Variants in ANGPT2 observed in about 807,000 individuals in gnomAD.
ANGPT2 encodes the protein angiopoietin 2.
A neutral mutation model predicts 62.9 loss-of-function variants in ANGPT2; 28 were observed. The observed-to-expected ratio is 0.44, with a 90% confidence interval of 0.33 to 0.61. ANGPT2 has a LOEUF of 0.61. Among genes scored for constraint, ANGPT2 ranks in the 20% least tolerant of loss-of-function variants. The pLI is 0.03. For missense variants in ANGPT2, 727 were observed against 594.9 expected, an observed-to-expected ratio of 1.22 and a Z score of -2.31; for synonymous variants, 284 against 207.8, an observed-to-expected ratio of 1.37 and a Z score of -3.15.
At chr8:6,558,862 T>C (rs1297136487) in intron 1 of ANGPT2, among the ~76,000 whole-genome samples, 1 of 152,164 alleles carries the variant, frequency 6.6e-6, no homozygotes, top group African/African-American at 2.4e-5. Context: ...TATTATATTT[T>C]ATATACTGTA....
At chr8:6,505,709 G>GTATATATATTC (rs1342734426) in intron 8 of ANGPT2, among the ~76,000 whole-genome samples, 1 of 80,644 alleles carries the variant, frequency 1.2e-5, no homozygotes, top group Non-Finnish European at 3.2e-5. Context: ...TCTTTATTAC[G>GTATATATATTC]TATATATATT....
intron 6 of ANGPT2, 101 bp downstream of exon 6, chr8:6,514,576 G>T: frequency 2.0e-6 from 2 of 1,020,020 alleles, no homozygotes; most frequent in Non-Finnish European, 3.0e-6. Flanking sequence ...CATGTCAAAA[G>T]TCATTGGTTA....
At chr8:6,533,336 T>C (rs999695441) in intron 1 of ANGPT2, among the ~76,000 whole-genome samples, 9 of 152,232 alleles carry the variant, frequency 5.9e-5, no homozygotes, top group African/African-American at 2.2e-4. Context: ...TGATTATGTA[T>C]AACTGCAAGA....
At chr8:6,507,464 T>G (rs1813977175) in intron 8 of ANGPT2, 1 of 152,220 alleles carries the variant, frequency 6.6e-6, no homozygotes, top group Non-Finnish European at 1.5e-5. Context: ...AAGAACTAAC[T>G]TGACAGCATT....
chr8:6,531,132 C>T (rs1441906804), intron 2 of ANGPT2, among the ~76,000 whole-genome samples: 2 of 151,900 alleles, frequency 1.3e-5, no homozygotes, highest in East Asian at 1.9e-4. Flanking sequence ...GAGCTTGGAG[C>T]GTCTGCATTT....
chr8:6,534,296 G>T (rs1229207495), intron 1 of ANGPT2, among the ~76,000 whole-genome samples: 1 of 152,146 alleles, frequency 6.6e-6, no homozygotes, highest in African/African-American at 2.4e-5. Context: ...ATTGTGTTAG[G>T]TATTCTAAGC....
intron 1 of ANGPT2, among the ~76,000 whole-genome samples, chr8:6,535,975 T>A (rs144614807): frequency 2.5e-3 from 384 of 152,148 alleles, no homozygotes; most frequent in African/African-American, 8.8e-3. Context: ...GAGGACTGCT[T>A]GAGCCCAGGA....
intron 1 of ANGPT2, among the ~76,000 whole-genome samples, chr8:6,539,241 C>T (rs768072048): frequency 6.3e-4 from 96 of 152,218 alleles, no homozygotes; most frequent in Non-Finnish European, 9.7e-4. Context: ...TGCCCTGTGA[C>T]GTGGGAAGCA....
chr8:6,551,402 G>A (rs902185341), intron 1 of ANGPT2, among the ~76,000 whole-genome samples: 6 of 152,168 alleles, frequency 3.9e-5, no homozygotes, highest in African/African-American at 1.4e-4. Flanking sequence ...CAAATTATAT[G>A]TATTAAAAGT....
At chr8:6,523,549 C>G (rs2129569847) in intron 3 of ANGPT2, among the ~76,000 whole-genome samples, 1 of 152,222 alleles carries the variant, frequency 6.6e-6, no homozygotes, top group Non-Finnish European at 1.5e-5. Context: ...GGAACAAACT[C>G]AAAGACATGC....
intron 7 of ANGPT2, among the ~76,000 whole-genome samples, chr8:6,511,052 C>A (rs891235999): frequency 6.6e-6 from 1 of 152,190 alleles, no homozygotes; most frequent in Admixed American, 6.5e-5. Context: ...ACTTCCCTTG[C>A]TTATCTTTTA....
At chr8:6,549,298 A>G (rs1020545375) in intron 1 of ANGPT2, among the ~76,000 whole-genome samples, 9 of 152,272 alleles carry the variant, frequency 5.9e-5, no homozygotes, top group African/African-American at 2.2e-4. Context: ...AAACTTTAAC[A>G]TGCACAACAA....
At chr8:6,534,266 A>G (rs939044348) in intron 1 of ANGPT2, among the ~76,000 whole-genome samples, 2 of 152,214 alleles carry the variant, frequency 1.3e-5, no homozygotes, top group Non-Finnish European at 1.5e-5. Flanking sequence ...CAGTATAGCA[A>G]CTATTTACAT....
At chr8:6,506,871 T>A (rs1813830594) in intron 8 of ANGPT2, among the ~76,000 whole-genome samples, 1 of 152,094 alleles carries the variant, frequency 6.6e-6, no homozygotes, top group African/African-American at 2.4e-5. Context: ...ATTATTTTCA[T>A]TACTAAATCC....
At chr8:6,546,695 C>T (rs1822633515) in intron 1 of ANGPT2, among the ~76,000 whole-genome samples, 1 of 152,118 alleles carries the variant, frequency 6.6e-6, no homozygotes, top group Non-Finnish European at 1.5e-5. Flanking sequence ...CACTAAGGGT[C>T]CCATGAGCTG....
intron 2 of ANGPT2, among the ~76,000 whole-genome samples, chr8:6,528,336 T>C (rs1818773969): frequency 6.6e-6 from 1 of 152,260 alleles, no homozygotes; most frequent in South Asian, 2.1e-4. Context: ...TCATATTTCA[T>C]AGGTGGAAAG....
Position 6,527,564 on chromosome 8 carries a change from T to C in ANGPT2, c.557A>G (p.Asp186Gly). The C allele has an allele frequency of 1.9e-6, 3 of 1,613,844 alleles. No homozygotes were observed. The highest frequency in any genetic ancestry group is 2.5e-6 in the Non-Finnish European group (3 of 1,179,910). ...DQTSEINKLQ[D>G]KNSFLEKKVL... ...TTAGTACTGTTATTACCTGTTCTTA[T>C]CTTGCAATTTGTTTATTTCACTGGT... The change falls in exon 3 of 9, where the codon GAT becomes GGT. Residue 186 changes from aspartate to glycine, a missense_variant. Transcript: ENST00000629816.
intron 1 of ANGPT2, among the ~76,000 whole-genome samples, chr8:6,561,195 C>A (rs1825480319): frequency 6.6e-6 from 1 of 152,204 alleles, no homozygotes; most frequent in Non-Finnish European, 1.5e-5. Flanking sequence ...TAAAAGCAAA[C>A]CACAGTGACC....
Position 6,501,930 on chromosome 8 carries a change from T to C in ANGPT2, c.*1171A>G, listed in dbSNP as rs1196847592. 7.4e-5 allele frequency: 5 copies of C among 67,588 alleles called. No individual in the cohort carries two copies. Among genetic ancestry groups the C allele is most frequent in the African/African-American group, 1.7e-4 (4 of 23,746 alleles). 4.2% of individuals were successfully genotyped at this position (67,588 alleles called of 1,614,324 possible). A position where few individuals can be genotyped will look rare whatever the true frequency, so the allele number is the denominator to read the frequency against. On this transcript the variant is annotated 3_prime_UTR_variant, in exon 9 of 9. Transcript: ENST00000629816. ...ATTTTGTTTTTGCACTTTGAAACCC[T>C]TTTTTTTTTTTCAGTTTGCTGATTG... is the stretch of plus-strand genomic sequence containing the variant.
Sources: allele counts gnomAD v4.1 joint callset (sites outside exome capture counted in the v4.1 genomes callset), GRCh38; gene constraint gnomAD v4.1.1; transcripts MANE v1.5; gene names NCBI Gene and HGNC (gene_info 2026-07-23, HGNC 2026-07-21).